Variants in AGAP1 observed in about 807,000 individuals in gnomAD.
AGAP1 encodes the protein ArfGAP with GTPase domain, ankyrin repeat and PH domain 1.
Under a neutral mutation model 105.3 loss-of-function variants are expected in AGAP1, and 29 were observed. That is an observed-to-expected ratio of 0.28 (90% CI 0.21 to 0.38). The LOEUF (loss-of-function observed/expected upper bound fraction) is 0.38, where lower values mean the gene tolerates loss of function less well. AGAP1 is among the 10% of genes least tolerant of loss of function. AGAP1 has a pLI of 1.00. For synonymous variants in AGAP1, 509 were observed against 485.9 expected (o/e 1.05, Z -0.63); for missense variants, 998 against 1,165.1 (o/e 0.86, Z 2.09).
At chr2:235,781,823 T>TA (rs1018955942) in intron 6 of AGAP1, among the ~76,000 whole-genome samples, 6 of 152,144 alleles carry the variant, frequency 3.9e-5, no homozygotes, top group Non-Finnish European at 8.8e-5. Flanking sequence ...CTTTTTTTTT[T>TA]ATGTAAATAA....
intron 1 of AGAP1, among the ~76,000 whole-genome samples, chr2:235,641,135 C>A (rs924402701): frequency 6.6e-6 from 1 of 152,128 alleles, no homozygotes; most frequent in Admixed American, 6.6e-5. Flanking sequence ...CATGTCCTGC[C>A]CACCAGCCAA....
chr2:235,925,798 T>C (rs1038220035), intron 11 of AGAP1, among the ~76,000 whole-genome samples: 6 of 152,204 alleles, frequency 3.9e-5, no homozygotes, highest in Admixed American at 2.0e-4. Context: ...GGACTGTGTT[T>C]AGAACAGTGT....
intron 13 of AGAP1, among the ~76,000 whole-genome samples, chr2:235,978,494 A>G (rs1023269173): frequency 6.6e-6 from 1 of 152,188 alleles, no homozygotes; most frequent in Non-Finnish European, 1.5e-5. Context: ...TGCATCCTTA[A>G]AACAACCCTG....
At chr2:235,548,372 A>G (rs141650678) in intron 1 of AGAP1, among the ~76,000 whole-genome samples, 55 of 152,314 alleles carry the variant, frequency 3.6e-4, no homozygotes, top group Non-Finnish European at 5.9e-4. Context: ...CAGAAATGCA[A>G]CAATGGGCCA....
At chr2:236,033,698 C>T (rs1482901886) in intron 13 of AGAP1, among the ~76,000 whole-genome samples, 6 of 152,224 alleles carry the variant, frequency 3.9e-5, no homozygotes, top group Admixed American at 3.9e-4. Flanking sequence ...CAGTGCCTAG[C>T]ACGTTGGGGA....
At chr2:235,613,207 G>A (rs1229124162) in intron 1 of AGAP1, among the ~76,000 whole-genome samples, 2 of 152,144 alleles carry the variant, frequency 1.3e-5, no homozygotes, top group African/African-American at 2.4e-5. Flanking sequence ...TTTTGGCCAG[G>A]CTGGTCTTGA....
intron 1 of AGAP1, among the ~76,000 whole-genome samples, chr2:235,695,329 C>T (rs368108268): frequency 1.3e-5 from 2 of 152,242 alleles, no homozygotes; most frequent in East Asian, 3.9e-4. Context: ...AGATGCTCAT[C>T]GTAAAGACTT....
rs1165316460 is a variant in AGAP1 at position 236,058,104 on chromosome 2, T to C, written c.2114+8823T>C. Among the ~76,000 whole-genome samples the C allele has an allele frequency of 3.3e-5, 5 of 152,092 alleles. No individual in the cohort carries two copies. Among genetic ancestry groups the C allele is most frequent in the Admixed American group, 1.3e-4 (2 of 15,264 alleles). On this transcript the variant is annotated intron_variant, in intron 16 of 17. Coordinates refer to ENST00000304032, the MANE Select transcript of AGAP1 (RefSeq NM_001037131.3). This position sits in a 1 kb window ranked among gnomAD's most constrained non-coding sequence, Gnocchi z 4.6. ...CTACCCAGTCAGCATCCCTAGGGGG[T>C]AGGGTCCAGTGGTGTGTTTTAACTC...
intron 2 of AGAP1, among the ~76,000 whole-genome samples, chr2:235,709,924 G>A (rs1950759674): frequency 6.6e-6 from 1 of 152,088 alleles, no homozygotes; most frequent in Non-Finnish European, 1.5e-5. Flanking sequence ...TTGTGTGTAT[G>A]GTTATGTATC....
rs189238468 is a variant in AGAP1 at position 236,085,132 on chromosome 2, C to T, written c.2115-35060C>T. Among the ~76,000 whole-genome samples, 20 of 146,338 alleles carry T rather than the reference C, an allele frequency of 1.4e-4. 1 individual carries two copies. Among genetic ancestry groups the T allele is most frequent in the South Asian group, 1.1e-3 (5 of 4,710 alleles). ...TCAGGAGGCTGAGGCAGGAGAATCA[C>T]GTGAACCCGGGAGGCGGAGGTCGCA... On this transcript the variant is annotated intron_variant, in intron 16 of 17. Transcript: ENST00000304032.
intron 16 of AGAP1, among the ~76,000 whole-genome samples, chr2:236,108,483 A>G (rs982751046): frequency 3.9e-5 from 6 of 152,168 alleles, no homozygotes; most frequent in African/African-American, 1.2e-4. Context: ...CTGCTACAGA[A>G]TCTCCTTGAA....
At position 235,717,591 on chromosome 2, in the gene AGAP1, C is replaced by T; in HGVS notation, c.257C>T (p.Ala86Val). Residue 86 changes from alanine (A) to valine (V), a missense_variant, in exon 3 of 18, where the codon GCC (alanine) becomes GTC (valine). Coordinates refer to ENST00000304032, the MANE Select transcript of AGAP1 (RefSeq NM_001037131.3). ...IVGNLASGKS[A>V]LVHRYLTGTY... ...GGTAACTTGGCCAGCGGCAAGTCTG[C>T]CCTGGTGCACCGGTACCTGACGGGC... 2 of 1,604,032 alleles carry T rather than the reference C, an allele frequency of 1.2e-6. No homozygotes were observed. The highest frequency in any genetic ancestry group is 2.3e-5 in the South Asian group (2 of 88,586).
intron 15 of AGAP1, among the ~76,000 whole-genome samples, chr2:236,041,919 G>A (rs2125683647): frequency 6.6e-6 from 1 of 152,324 alleles, no homozygotes; most frequent in East Asian, 1.9e-4. Context: ...ACAGGGAAGG[G>A]GCCGAAGGAA....
chr2:236,110,460 GGCT>G, intron 16 of AGAP1, among the ~76,000 whole-genome samples: 1 of 152,282 alleles, frequency 6.6e-6, no homozygotes, highest in African/African-American at 2.4e-5. Context: ...CTACTTGGGA[GGCT>G]GAGGCAGGAG....
At chr2:235,606,195 C>A (rs2149245791) in intron 1 of AGAP1, among the ~76,000 whole-genome samples, 1 of 152,338 alleles carries the variant, frequency 6.6e-6, no homozygotes, top group African/African-American at 2.4e-5. Context: ...CCATTGGTCA[C>A]CCTTGGCATT....
intron 1 of AGAP1, among the ~76,000 whole-genome samples, chr2:235,495,923 C>T (rs1467028726): frequency 2.0e-5 from 3 of 152,178 alleles, no homozygotes; most frequent in Admixed American, 6.5e-5. Flanking sequence ...GCCGGTAAGA[C>T]CTCTATTGAG....
intron 16 of AGAP1, among the ~76,000 whole-genome samples, chr2:236,103,580 T>C (rs889202763): frequency 3.3e-5 from 5 of 152,016 alleles, no homozygotes; most frequent in Non-Finnish European, 7.4e-5. Flanking sequence ...TTCTTTTTTT[T>C]CCCCCTGAGA....
chr2:235,675,182 GTTGGTTGGTT>G (rs1275382080), intron 1 of AGAP1, among the ~76,000 whole-genome samples: 10 of 135,190 alleles, frequency 7.4e-5, no homozygotes, highest in Admixed American at 2.6e-4. Flanking sequence ...TGGTTGGTTG[GTTGGTTGGTT>G]TTTTTTTTTT....
In AGAP1 at chr2:235,614,984, G is replaced by T. The variant is rs1302709301; in HGVS notation, c.164-94195G>T. Among the ~76,000 whole-genome samples, 1 of 152,200 alleles carries T rather than the reference G, an allele frequency of 6.6e-6. No homozygotes were observed. Among genetic ancestry groups the T allele is most frequent in the Non-Finnish European group, 1.5e-5 (1 of 68,044 alleles). On this transcript the variant is annotated intron_variant, in intron 1 of 17. Transcript: ENST00000304032. This position sits in a 1 kb window ranked among gnomAD's most constrained non-coding sequence, Gnocchi z 4.7. ...AAGTAAACTTCTGCCTGTGTGTGGT[G>T]CGCTCAAATAAAGGAGGCTGTTCAA... is the stretch of plus-strand genomic sequence containing the variant.
Sources: gnomAD v4.1 joint callset for allele counts (sites outside exome capture counted in the v4.1 genomes callset) on GRCh38, gnomAD v4.1.1 for gene constraint, Gnocchi (gnomAD v3.1) non-coding constraint, MANE v1.5 for transcripts, NCBI Gene and HGNC (gene_info 2026-07-23, HGNC 2026-07-21) for gene names.